The following MTM1 variants were observed in gnomAD, a reference collection of about 807,000 sequenced individuals.
The protein encoded by MTM1 is myotubularin 1.
Under a neutral mutation model 52.1 loss-of-function variants are expected in MTM1, and 9 were observed. The observed-to-expected ratio is 0.17, with a 90% confidence interval of 0.10 to 0.30. The LOEUF (loss-of-function observed/expected upper bound fraction) is 0.30. MTM1 is among the 10% of genes least tolerant of loss of function. The probability of loss-of-function intolerance (pLI) is 1.00; values close to 1 mark genes in which losing one functional copy is unlikely to be tolerated. For missense variants in MTM1, 277 were observed against 470.7 expected, an observed-to-expected ratio of 0.59 and a Z score of 3.81; for synonymous variants, 136 against 163.8, an observed-to-expected ratio of 0.83 and a Z score of 1.29.
intron 13 of MTM1, 125 bp from the exon 14 acceptor site, chrX:150,663,308 G>T (rs1557414776): frequency 1.3e-6 from 1 of 761,506 alleles, no homozygotes. Flanking sequence ...GAGCTATTAT[G>T]AGGATAATGT....
intron 1 of MTM1, among the ~76,000 whole-genome samples, chrX:150,579,536 C>A (rs1266955144): frequency 9.0e-6 from 1 of 111,265 alleles, no homozygotes; most frequent in African/African-American, 3.3e-5. Flanking sequence ...TGTTCTGTTA[C>A]CTAAGCTGGA....
At chrX:150,601,291 G>A (rs2039063184) in intron 4 of MTM1, among the ~76,000 whole-genome samples, 1 of 111,507 alleles carries the variant, frequency 9.0e-6, no homozygotes, top group Non-Finnish European at 1.9e-5. Context: ...AAGTATAAAA[G>A]CAAGCAGCTG....
chrX:150,571,946 T>C (rs781823278), intron 1 of MTM1, among the ~76,000 whole-genome samples: 13 of 112,335 alleles, frequency 1.2e-4, no homozygotes, highest in African/African-American at 3.6e-4. Context: ...AGATTTTTCA[T>C]TGGAAATCTT....
intron 1 of MTM1, among the ~76,000 whole-genome samples, chrX:150,582,207 G>A (rs781836630): frequency 3.1e-3 from 341 of 111,132 alleles, no homozygotes; most frequent in African/African-American, 9.4e-3. Context: ...TTGGAAACAA[G>A]ATTTAAATAA....
chrX:150,636,572 G>C (rs1278442707), intron 6 of MTM1, among the ~76,000 whole-genome samples: 3 of 112,102 alleles, frequency 2.7e-5, no homozygotes, highest in Admixed American at 9.4e-5. Flanking sequence ...GTTTTTAAAA[G>C]CTGCCATATT....
chrX:150,583,886 T>TATATTAA (rs1198288915), intron 1 of MTM1, among the ~76,000 whole-genome samples: 10 of 38,007 alleles, frequency 2.6e-4, no homozygotes, highest in African/African-American at 1.6e-3. Flanking sequence ...ATTAAATATA[T>TATATTAA]ATATATATTT....
intron 4 of MTM1, among the ~76,000 whole-genome samples, chrX:150,601,571 T>C (rs1438460841): frequency 8.9e-6 from 1 of 112,124 alleles, no homozygotes; most frequent in African/African-American, 3.2e-5. Context: ...TGGAGTCAGC[T>C]CTGCTATTTT....
chrX:150,618,959 T>C, intron 5 of MTM1, 79 bp from the exon 6 acceptor site: 1 of 713,854 alleles, frequency 1.4e-6, no homozygotes, highest in Non-Finnish European at 2.3e-6. Context: ...TCTTCTCCCT[T>C]AATTGAATGG....
intron 1 of MTM1, among the ~76,000 whole-genome samples, chrX:150,585,479 G>A (rs782070324): frequency 6.2e-5 from 7 of 112,336 alleles, no homozygotes; most frequent in Admixed American, 1.9e-4. Context: ...CTATTTATAC[G>A]TTTCTATTCT....
At chrX:150,572,417 C>T (rs782766129) in intron 1 of MTM1, among the ~76,000 whole-genome samples, 10 of 112,212 alleles carry the variant, frequency 8.9e-5, no homozygotes, top group Non-Finnish European at 1.9e-4. Flanking sequence ...GGACTGTCTT[C>T]CCTGTGGCTG....
chrX:150,650,738 C>T (rs2040005771), intron 10 of MTM1, among the ~76,000 whole-genome samples: 1 of 111,393 alleles, frequency 9.0e-6, no homozygotes, highest in Non-Finnish European at 1.9e-5. Context: ...TAAAATGGTT[C>T]TGTTTTCTCT....
At chrX:150,618,024 C>CT (rs1216595058) in intron 5 of MTM1, among the ~76,000 whole-genome samples, 1 of 111,425 alleles carries the variant, frequency 9.0e-6, no homozygotes, top group Non-Finnish European at 1.9e-5. Flanking sequence ...TTTAAAGGAG[C>CT]TTATTTGGTT....
chrX:150,592,715 G>T, intron 2 of MTM1, 38 bp downstream of exon 2: 1 of 951,636 alleles, frequency 1.1e-6, no homozygotes, highest in East Asian at 3.1e-5. Flanking sequence ...CTCTTTCCTT[G>T]CATTTATTTT....
At chrX:150,612,302 G>T (rs1170856261) in intron 4 of MTM1, among the ~76,000 whole-genome samples, 7 of 111,886 alleles carry the variant, frequency 6.3e-5, no homozygotes, top group African/African-American at 2.3e-4. Flanking sequence ...GTATTCCATG[G>T]TATGGATGCT....
intron 1 of MTM1, among the ~76,000 whole-genome samples, chrX:150,591,437 C>T (rs1163918101): frequency 1.8e-5 from 2 of 112,705 alleles, no homozygotes; most frequent in Non-Finnish European, 3.8e-5. Context: ...ACGGGGGAAT[C>T]CTGACAGTCC....
chrX:150,626,659 T>C (rs782566128), intron 6 of MTM1, among the ~76,000 whole-genome samples: 15 of 111,727 alleles, frequency 1.3e-4, no homozygotes, highest in African/African-American at 4.9e-4. Context: ...TTTTATAAAT[T>C]GCTTTGCAAT....
chrX:150,624,587 GTTT>G (rs1320335679), intron 6 of MTM1, among the ~76,000 whole-genome samples: 2 of 112,100 alleles, frequency 1.8e-5, no homozygotes, highest in Admixed American at 1.9e-4. Flanking sequence ...TTAGATGAGA[GTTT>G]TTTAAACTGT....
intron 1 of MTM1, among the ~76,000 whole-genome samples, chrX:150,578,199 C>T (rs782553458): frequency 8.0e-5 from 9 of 112,033 alleles, no homozygotes; most frequent in Non-Finnish European, 1.5e-4. Context: ...ATGTGAGCAG[C>T]CACATTGAGG....
chrX:150,568,649 G>C lies in MTM1; in HGVS notation c.-24G>C, dbSNP rs1008075753. On this transcript the variant is annotated 5_prime_UTR_variant, in exon 1 of 15. Coordinates refer to ENST00000370396, the MANE Select transcript of MTM1 (RefSeq NM_000252.3). The stretch of plus-strand genomic sequence containing the variant: ...CGAGCAGCCTGGCAACGGCGGTGGC[G>C]CCCGGAGCCCGAGGTGGGTGCGCGC... 2.7e-5 allele frequency: 3 copies of C among 113,065 alleles called. No homozygotes were observed. The Admixed American group carries it at 2.8e-4, about 10-fold the overall frequency. 9.3% of individuals were successfully genotyped at this position (113,065 alleles called of 1,213,427 possible). A position where few individuals can be genotyped will look rare whatever the true frequency, so the allele number is the denominator to read the frequency against.
Sources: allele counts gnomAD v4.1 joint callset (sites outside exome capture counted in the v4.1 genomes callset), GRCh38; gene constraint gnomAD v4.1.1; transcripts MANE v1.5; gene names NCBI Gene and HGNC (gene_info 2026-07-23, HGNC 2026-07-21).